SSU72L3: variants seen among roughly 807,000 people sequenced by gnomAD.
SSU72L3 encodes the protein SSU72 like 3.
chr11:4,330,089 C>T, the SSU72L3 span: 1 of 768,610 alleles, frequency 1.3e-6, no homozygotes, highest in Admixed American at 1.8e-5. Flanking sequence ...ATAGAGAACG[C>T]TACACCCGCA....
the SSU72L3 span, chr11:4,330,479 A>T: frequency 3.3e-6 from 2 of 609,130 alleles, no homozygotes; most frequent in Middle Eastern, 4.4e-4. Context: ...CCCCTTCCTC[A>T]GTAAGAACTT....
At chr11:4,330,472 C>T in the SSU72L3 span, 1 of 610,580 alleles carries the variant, frequency 1.6e-6, no homozygotes, top group African/African-American at 1.9e-5. Flanking sequence ...GCTTTGTCCC[C>T]TTCCTCAGTA....
the SSU72L3 span, chr11:4,329,795 G>A: frequency 5.2e-5 from 31 of 596,150 alleles, 1 homozygote; most frequent in East Asian, 1.4e-4. Flanking sequence ...ATAGGTGGTC[G>A]TCTCCTCGGC....
the SSU72L3 span, chr11:4,330,420 A>G: frequency 9.9e-6 from 7 of 708,944 alleles, no homozygotes; most frequent in Non-Finnish European, 1.0e-5. Flanking sequence ...GGCAGGAAAA[A>G]GCTTTCTTCA....
chr11:4,330,696 T>A, the SSU72L3 span, among the ~76,000 whole-genome samples: 1 of 152,162 alleles, frequency 6.6e-6, no homozygotes, highest in African/African-American at 2.4e-5. Flanking sequence ...GATAACTAAT[T>A]TCATGCTTAT....
chr11:4,330,378 C>A, the SSU72L3 span: 1 of 759,498 alleles, frequency 1.3e-6, no homozygotes, highest in East Asian at 2.4e-5. Context: ...AGAAGACAAT[C>A]TGGAGGAGCT....
chr11:4,329,803 G>C, the SSU72L3 span: 2 of 605,392 alleles, frequency 3.3e-6, no homozygotes, highest in African/African-American at 1.9e-5. Flanking sequence ...TCGTCTCCTC[G>C]GCTCCGAGTC....
At chr11:4,330,290 A>G in the SSU72L3 span, 1 of 759,074 alleles carries the variant, frequency 1.3e-6, no homozygotes, top group Non-Finnish European at 2.4e-6. Flanking sequence ...TGGACATCCA[A>G]GATACCCTGG....
chr11:4,329,901 G>A, the SSU72L3 span: 19 of 729,404 alleles, frequency 2.6e-5, no homozygotes, highest in Admixed American at 9.4e-5. Context: ...TGTGGTGTGC[G>A]TGAGCAATGT....
the SSU72L3 span, chr11:4,330,047 T>G: frequency 3.7e-5 from 29 of 777,198 alleles, no homozygotes; most frequent in Non-Finnish European, 6.5e-5. Context: ...CAACAACATA[T>G]AAGCAGATGT....
the SSU72L3 span, chr11:4,330,055 T>G: frequency 1.8e-5 from 14 of 776,868 alleles, no homozygotes; most frequent in Non-Finnish European, 3.1e-5. Context: ...TATAAGCAGA[T>G]GTACAATGAC....
the SSU72L3 span, chr11:4,329,882 C>T: frequency 1.4e-6 from 1 of 724,406 alleles, no homozygotes; most frequent in South Asian, 1.6e-5. Context: ...CCTCCCCACT[C>T]AGGGTGGCTG....
chr11:4,330,417 A>T, the SSU72L3 span: 61 of 720,132 alleles, frequency 8.5e-5, 1 homozygote, highest in Admixed American at 1.2e-3. Context: ...GAAGGCAGGA[A>T]AAAGCTTTCT....
the SSU72L3 span, among the ~76,000 whole-genome samples, chr11:4,330,670 T>G: frequency 1.3e-5 from 2 of 152,150 alleles, no homozygotes; most frequent in African/African-American, 4.8e-5. Context: ...GGCATTGTGC[T>G]AGGTGCATTA....
At chr11:4,330,762 G>A in the SSU72L3 span, among the ~76,000 whole-genome samples, 49 of 152,284 alleles carry the variant, frequency 3.2e-4, no homozygotes, top group African/African-American at 1.1e-3. Flanking sequence ...TAAGCAAACC[G>A]AGCTGATAAT....
chr11:4,330,099 A>C, the SSU72L3 span: 4 of 765,282 alleles, frequency 5.2e-6, no homozygotes, highest in East Asian at 9.7e-5. Context: ...CTACACCCGC[A>C]ACGGAATCTT....
At chr11:4,329,833 C>T in the SSU72L3 span, 1 of 657,004 alleles carries the variant, frequency 1.5e-6, no homozygotes, top group African/African-American at 1.8e-5. Context: ...ACTGAGGTGC[C>T]TGTGTCTCTC....
chr11:4,330,123 A>C, the SSU72L3 span: 1 of 751,058 alleles, frequency 1.3e-6, no homozygotes, highest in Middle Eastern at 2.4e-4. Flanking sequence ...CATCTTGGGA[A>C]GAAATGAGAG....
the SSU72L3 span, among the ~76,000 whole-genome samples, chr11:4,330,624 A>T: frequency 3.9e-5 from 6 of 152,108 alleles, no homozygotes; most frequent in African/African-American, 1.4e-4. Context: ...GGGAAATGAG[A>T]AGGACTAACA....
Sources: gnomAD v4.1 joint callset for allele counts (sites outside exome capture counted in the v4.1 genomes callset) on GRCh38, gnomAD v4.1.1 for gene constraint, MANE v1.5 for transcripts, NCBI Gene and HGNC (gene_info 2026-07-23, HGNC 2026-07-21) for gene names.